CHMP6: variants seen among roughly 807,000 people sequenced by gnomAD.
CHMP6 encodes the protein charged multivesicular body protein 6.
CHMP6 carries 10 observed loss-of-function variants against 32.8 expected under a neutral mutation model. The ratio of observed to expected loss-of-function variants is 0.30; its 90% CI spans 0.19 to 0.52. The LOEUF is 0.52. CHMP6 is among the 20% of genes least tolerant of loss of function. CHMP6 has a pLI of 0.97. For synonymous variants in CHMP6, 123 were observed against 105.8 expected (o/e 1.16, Z -1.00); for missense variants, 269 against 263.8 (o/e 1.02, Z -0.14).
intron 4 of CHMP6, 39 bp downstream of exon 4, chr17:80,995,797 A>G (rs1316136348): frequency 6.3e-7 from 1 of 1,586,192 alleles, no homozygotes; most frequent in Admixed American, 1.7e-5. Flanking sequence ...AGGTGTGGGG[A>G]GCCCATTGGG....
chr17:80,997,233 G>C, intron 5 of CHMP6, 28 bp from the exon 6 acceptor site: 1 of 1,613,270 alleles, frequency 6.2e-7, no homozygotes, highest in Non-Finnish European at 8.5e-7. Context: ...CCTCCTCGCT[G>C]CTCTCACCAC....
rs1194542619 is a variant in CHMP6 at position 80,992,007 on chromosome 17, GC to G, written c.63+27del. The stretch of plus-strand genomic sequence containing the variant: ...GTGAGGGCCCGGGCCCGGGGTCAGG[GC>G]TGGGGCCGGGACAGGCGACGGGGCC... On this transcript the variant is annotated intron_variant, in intron 1 of 7. Coordinates refer to ENST00000325167, the MANE Select transcript of CHMP6 (RefSeq NM_024591.5). 62 of 1,378,280 alleles carry G rather than the reference GC, an allele frequency of 4.5e-5. No individual in the cohort carries two copies. The African/African-American group carries it at 8.9e-4, about 20-fold the overall frequency. The allele number at this position is 1,378,280 out of a possible 1,614,324, so 85.4% of individuals were successfully genotyped here. A position where few individuals can be genotyped will look rare whatever the true frequency, so the allele number is the denominator to read the frequency against.
At chr17:80,992,981 C>T (rs1015650034) in intron 1 of CHMP6, among the ~76,000 whole-genome samples, 5 of 152,194 alleles carry the variant, frequency 3.3e-5, no homozygotes, top group Admixed American at 2.0e-4. Context: ...CACATTTGTC[C>T]CTAGAGAAGA....
chr17:80,998,528 G>A (rs1283174102), intron 7 of CHMP6, 108 bp downstream of exon 7: 1 of 1,589,432 alleles, frequency 6.3e-7, no homozygotes, highest in Admixed American at 1.7e-5. Context: ...CCGTGGGCAA[G>A]CCCTGCTGCC....
chr17:80,995,133 A>G, intron 3 of CHMP6, 27 bp downstream of exon 3: 1 of 1,580,500 alleles, frequency 6.3e-7, no homozygotes, highest in African/African-American at 1.3e-5. Context: ...TTCGCCCTGG[A>G]GTGCAGGTGC....
rs560185142 is a variant in CHMP6 at position 80,999,286 on chromosome 17, G to A, written c.*133G>A. The A allele has an allele frequency of 4.3e-5, 42 of 984,308 alleles. No homozygotes were observed. The highest frequency in any genetic ancestry group is 3.0e-4 in the South Asian group (21 of 69,256). 61.0% of individuals were successfully genotyped at this position (984,308 alleles called of 1,614,324 possible). The stretch of plus-strand genomic sequence containing the variant: ...CGGTGCTGAGCAGAGCTGCAGCCAC[G>A]CAGGCGCATTGCAGGAGGACTCCAG... On this transcript the variant is annotated 3_prime_UTR_variant, in exon 8 of 8. Transcript: ENST00000325167.
At chr17:80,997,238 C>T in intron 5 of CHMP6, 23 bp from the exon 6 acceptor site, 1 of 1,613,576 alleles carries the variant, frequency 6.2e-7, no homozygotes, top group Non-Finnish European at 8.5e-7. Context: ...TCGCTGCTCT[C>T]ACCACCGCCT....
chr17:80,992,406 C>T (rs1041217304), intron 1 of CHMP6, among the ~76,000 whole-genome samples: 1 of 152,214 alleles, frequency 6.6e-6, no homozygotes, highest in African/African-American at 2.4e-5. Flanking sequence ...GCCCCCGTCC[C>T]GCGGCTCATT....
At chr17:80,998,774 T>A in intron 7 of CHMP6, 1 of 1,029,518 alleles carries the variant, frequency 9.7e-7, no homozygotes, top group South Asian at 1.7e-5. Flanking sequence ...GCACAGGCTC[T>A]CCAACCTGCC....
At chr17:80,997,675 C>A (rs555125822) in intron 6 of CHMP6, among the ~76,000 whole-genome samples, 1 of 152,192 alleles carries the variant, frequency 6.6e-6, no homozygotes, top group South Asian at 2.1e-4. Context: ...TAGGCCCTCG[C>A]TGCGGGGGCC....
intron 3 of CHMP6, 137 bp from the exon 4 acceptor site, chr17:80,995,535 A>C (rs972057130): frequency 1.5e-6 from 1 of 686,084 alleles, no homozygotes; most frequent in African/African-American, 1.8e-5. Context: ...GAGGACAGGG[A>C]GGAGCAGGTG....
rs2069631539 is a variant in CHMP6 at position 80,995,700 on chromosome 17, A to G, written c.290A>G (p.Glu97Gly). Residue 97 changes from glutamate to glycine, a missense_variant, in exon 4 of 8, where the codon GAA (glutamate) becomes GGA (glycine). Coordinates refer to ENST00000325167, the MANE Select transcript of CHMP6 (RefSeq NM_024591.5). ...CAGAGTATTGAGTTCACCCAGATCGAAATGAAAGTGATGGAGGGGCTGCAG... is the reference window on the plus strand; with the variant it reads ...CAGAGTATTGAGTTCACCCAGATCGGAATGAAAGTGATGGAGGGGCTGCAG... ...MVQSIEFTQI[E>G]MKVMEGLQFG... The G allele has an allele frequency of 6.2e-7, 1 of 1,613,990 alleles. No homozygotes were observed. Among genetic ancestry groups the G allele is most frequent in the South Asian group, 1.1e-5 (1 of 91,088 alleles).
intron 5 of CHMP6, 85 bp from the exon 6 acceptor site, chr17:80,997,176 G>T (rs1445564763): frequency 1.9e-6 from 3 of 1,601,060 alleles, no homozygotes; most frequent in East Asian, 2.2e-5. Context: ...TTCTCTCAAG[G>T]GGACGAGACC....
Position 80,997,679 on chromosome 17 carries a change from G to A in CHMP6, c.495+338G>A, listed in dbSNP as rs879362570. Among the ~76,000 whole-genome samples, 88 of 152,014 alleles carry A rather than the reference G, an allele frequency of 5.8e-4. 2 individuals are homozygous for A. Among genetic ancestry groups the A allele is most frequent in the African/African-American group, 1.4e-3 (57 of 41,474 alleles). On this transcript the variant is annotated intron_variant, in intron 6 of 7. Coordinates refer to ENST00000325167, the MANE Select transcript of CHMP6 (RefSeq NM_024591.5). ...CACGTCCCACATAGGCCCTCGCTGC[G>A]GGGGCCGCGTCCTGGCCCCAGGCTC... is the stretch of plus-strand genomic sequence containing the variant.
chr17:80,999,383 TCGAC>T lies in CHMP6; in HGVS notation c.*234_*237del. ...GCCTGCTCTCAGTCCGGATTAACTC[TCGAC>T]CGAGCCCAGCTTCTGCCGGTTGTGG... On this transcript the variant is annotated 3_prime_UTR_variant, in exon 8 of 8. Transcript: ENST00000325167. 1.9e-6 allele frequency: 1 copy of T among 513,976 alleles called. No individual in the cohort carries two copies. The highest frequency in any genetic ancestry group is 1.9e-5 in the African/African-American group (1 of 51,596). The allele number at this position is 513,976 out of a possible 1,614,324, so 31.8% of individuals were successfully genotyped here.
chr17:80,997,473 T>C (rs2069649100), intron 6 of CHMP6, 132 bp downstream of exon 6: 2 of 746,780 alleles, frequency 2.7e-6, no homozygotes, highest in South Asian at 1.8e-5. Context: ...GGTTTGTGAC[T>C]GGTTTTCCTA....
Position 80,999,276 on chromosome 17 carries a change from C to A in CHMP6, c.*123C>A. ...CCAGTGCGCACGGTGCTGAGCAGAG[C>A]TGCAGCCACGCAGGCGCATTGCAGG... On this transcript the variant is annotated 3_prime_UTR_variant, in exon 8 of 8. Coordinates refer to ENST00000325167, the MANE Select transcript of CHMP6 (RefSeq NM_024591.5). 4 of 1,120,188 alleles carry A rather than the reference C, an allele frequency of 3.6e-6. No homozygotes were observed. Among genetic ancestry groups the A allele is most frequent in the Admixed American group, 2.0e-5 (1 of 51,122 alleles). 69.4% of individuals were successfully genotyped at this position (1,120,188 alleles called of 1,614,324 possible).
chr17:80,998,564 T>C (rs2069659235), intron 7 of CHMP6, 144 bp downstream of exon 7: 1 of 1,526,786 alleles, frequency 6.5e-7, no homozygotes, highest in Admixed American at 2.0e-5. Flanking sequence ...GGGGCGTGCG[T>C]GCCTGGCCTT....
At position 80,997,191 on chromosome 17, in the gene CHMP6, C is replaced by G. The variant is rs899472991; in HGVS notation, c.415-70C>G. Reference sequence around the variant, plus strand: ...TTCTCTCAAGGGGACGAGACCCAGCCACAGGCCATCTCCTTCCTCCCTGAG... The same window carrying G: ...TTCTCTCAAGGGGACGAGACCCAGCGACAGGCCATCTCCTTCCTCCCTGAG... On this transcript the variant is annotated intron_variant, in intron 5 of 7. Coordinates refer to ENST00000325167, the MANE Select transcript of CHMP6 (RefSeq NM_024591.5). 1.4e-5 allele frequency: 22 copies of G among 1,603,308 alleles called. No homozygotes were observed. The African/African-American group carries it at 1.7e-4, about 13-fold the overall frequency.
Sources: allele counts gnomAD v4.1 joint callset (sites outside exome capture counted in the v4.1 genomes callset), GRCh38; gene constraint gnomAD v4.1.1; transcripts MANE v1.5; gene names NCBI Gene and HGNC (gene_info 2026-07-23, HGNC 2026-07-21).